KIF14: variants seen among roughly 807,000 people sequenced by gnomAD.
KIF14 encodes the protein kinesin-like protein KIF14.
Under a neutral mutation model 176.2 loss-of-function variants are expected in KIF14, and 98 were observed. That is an observed-to-expected ratio of 0.56 (90% CI 0.47 to 0.66). The LOEUF (loss-of-function observed/expected upper bound fraction) is 0.66, where lower values mean the gene tolerates loss of function less well. Among genes scored for constraint, KIF14 ranks in the 30% least tolerant of loss-of-function variants. The pLI, the probability that KIF14 is intolerant of heterozygous loss-of-function variation, is 0.00. For synonymous variants in KIF14, 566 were observed against 632.2 expected (o/e 0.90, Z 1.57); for missense variants, 1,751 against 1,920.4 (o/e 0.91, Z 1.65).
intron 4 of KIF14, among the ~76,000 whole-genome samples, chr1:200,611,696 G>A (rs529868746): frequency 3.2e-4 from 49 of 152,212 alleles, no homozygotes; most frequent in African/African-American, 1.1e-3. Flanking sequence ...CATCATGCTC[G>A]CTATACCACC....
In KIF14 at chr1:200,552,642, G is replaced by A. The variant is rs985473020; in HGVS notation, c.*746C>T. The stretch of plus-strand genomic sequence containing the variant: ...CTTATAATTTGGAAAGAAACAGGAA[G>A]CTACACCCTTGAACATACTATTCAA... On this transcript the variant is annotated 3_prime_UTR_variant, in exon 30 of 30. Coordinates refer to ENST00000367350, the MANE Select transcript of KIF14 (RefSeq NM_014875.3). 6.6e-6 allele frequency: 1 copy of A among 151,948 alleles called. No homozygotes were observed. Among genetic ancestry groups the A allele is most frequent in the Non-Finnish European group, 1.5e-5 (1 of 67,982 alleles). 9.4% of individuals were successfully genotyped at this position (151,948 alleles called of 1,614,324 possible).
In KIF14 at chr1:200,592,140, C is replaced by G; in HGVS notation, c.2753G>C (p.Ser918Thr). The change falls in exon 16 of 30, where the codon AGT becomes ACT. Residue 918 changes from serine (S) to threonine (T), a missense_variant. Coordinates refer to ENST00000367350, the MANE Select transcript of KIF14 (RefSeq NM_014875.3). ...KRPSGRDTPI[S>T]EGPKDFEFAK... is the part of the protein sequence containing the mutation. ...AAATTCAAAGTCTTTTGGACCCTCACTTATAGGAGTATCTCTTCCAGATGG... is the reference window on the plus strand; with the variant it reads ...AAATTCAAAGTCTTTTGGACCCTCAGTTATAGGAGTATCTCTTCCAGATGG... 3.1e-6 allele frequency: 5 copies of G among 1,613,870 alleles called. No individual in the cohort carries two copies. Among genetic ancestry groups the G allele is most frequent in the Non-Finnish European group, 4.2e-6 (5 of 1,179,894 alleles).
chr1:200,576,657 CACAA>C (rs1450382635), intron 21 of KIF14, among the ~76,000 whole-genome samples: 1 of 152,074 alleles, frequency 6.6e-6, no homozygotes, highest in Non-Finnish European at 1.5e-5. Context: ...TACATATAAA[CACAA>C]ACAAAAAAGT....
At chr1:200,586,922 C>T (rs1168338635) in intron 18 of KIF14, among the ~76,000 whole-genome samples, 1 of 151,592 alleles carries the variant, frequency 6.6e-6, no homozygotes, top group African/African-American at 2.4e-5. Context: ...GAATTGAAAA[C>T]CAAATATCAG....
At chr1:200,617,494 A>G (rs1660458929) in intron 2 of KIF14, 118 bp downstream of exon 2, 1 of 976,000 alleles carries the variant, frequency 1.0e-6, no homozygotes, top group South Asian at 1.9e-5. Context: ...TTTCTATATA[A>G]AAGTATTGCC....
intron 26 of KIF14, 126 bp downstream of exon 26, chr1:200,560,596 A>C: frequency 9.4e-7 from 1 of 1,064,882 alleles, no homozygotes. Flanking sequence ...TCTTATTGCA[A>C]AACTACTAAA....
chr1:200,571,212 G>C (rs1179183427), intron 22 of KIF14, among the ~76,000 whole-genome samples: 1 of 151,924 alleles, frequency 6.6e-6, no homozygotes, highest in East Asian at 1.9e-4. Flanking sequence ...CTACTCGGGA[G>C]GCTGAGGCAG....
At position 200,601,912 on chromosome 1, in the gene KIF14, G is replaced by A. The variant is rs145353826; in HGVS notation, c.2136C>T (p.Asn712=). The change falls in exon 11 of 30, where the codon AAC becomes AAT. Residue 712 remains asparagine, a synonymous_variant. Coordinates refer to ENST00000367350, the MANE Select transcript of KIF14 (RefSeq NM_014875.3). The part of the protein sequence containing the change: ...VNIAKVNEDM[N]AKLIRELKAE... Reference sequence around the variant, plus strand: ...AATATTCACCTCTAATTAACTTAGCGTTCATATCTTCATTTACTTTAGCAA... The same window carrying A: ...AATATTCACCTCTAATTAACTTAGCATTCATATCTTCATTTACTTTAGCAA... 8.5e-4 allele frequency: 1,373 copies of A among 1,608,948 alleles called. 2 individuals are homozygous for A. The highest frequency in any genetic ancestry group is 9.9e-4 in the Non-Finnish European group (1,169 of 1,177,796).
chr1:200,591,899 G>A (rs185561488), intron 16 of KIF14, among the ~76,000 whole-genome samples, 181 bp downstream of exon 16: 4 of 152,232 alleles, frequency 2.6e-5, no homozygotes, highest in African/African-American at 4.8e-5. Flanking sequence ...TTGGTACAGT[G>A]ACAGACACAT....
At chr1:200,583,388 A>C (rs1337024620) in intron 19 of KIF14, among the ~76,000 whole-genome samples, 2 of 152,196 alleles carry the variant, frequency 1.3e-5, no homozygotes, top group Non-Finnish European at 2.9e-5. Context: ...TTAGAGATAC[A>C]CAGTGAAGTG....
intron 16 of KIF14, among the ~76,000 whole-genome samples, chr1:200,590,536 C>T (rs1397409139): frequency 6.6e-6 from 1 of 152,022 alleles, no homozygotes; most frequent in Non-Finnish European, 1.5e-5. Flanking sequence ...AAAATCAGTG[C>T]TTTAGTAACT....
chr1:200,613,565 A>G (rs1558092546), intron 4 of KIF14, among the ~76,000 whole-genome samples: 1 of 152,198 alleles, frequency 6.6e-6, no homozygotes, highest in East Asian at 1.9e-4. Context: ...CCCCTAATCT[A>G]GCACAATTTT....
chr1:200,600,803 G>A (rs1036799804), intron 11 of KIF14, among the ~76,000 whole-genome samples: 4 of 152,254 alleles, frequency 2.6e-5, no homozygotes, highest in African/African-American at 9.6e-5. Context: ...TAAAGTGAAA[G>A]TTTATTTAAA....
At chr1:200,597,296 A>G (rs927763800) in intron 14 of KIF14, among the ~76,000 whole-genome samples, 1 of 152,312 alleles carries the variant, frequency 6.6e-6, no homozygotes, top group African/African-American at 2.4e-5. Flanking sequence ...GAGTAAAAAG[A>G]TGTTACACGT....
At chr1:200,601,487 C>A (rs1371991729) in intron 11 of KIF14, among the ~76,000 whole-genome samples, 2 of 152,146 alleles carry the variant, frequency 1.3e-5, no homozygotes, top group Admixed American at 6.5e-5. Flanking sequence ...TCAGCCTATA[C>A]TAGAAACTCG....
In KIF14 at chr1:200,615,524, T is replaced by G; in HGVS notation, c.1198A>C (p.Asn400His). 1 of 1,613,940 alleles carries G rather than the reference T, an allele frequency of 6.2e-7. No homozygotes were observed. Among genetic ancestry groups the G allele is most frequent in the East Asian group, 2.2e-5 (1 of 44,876 alleles). Residue 400 changes from asparagine (N) to histidine (H), a missense_variant, in exon 3 of 30, where the codon AAT becomes CAT. Physicochemically the swap from Asn to His is moderately conservative, Grantham distance 68 (BLOSUM62 1). Coordinates refer to ENST00000367350, the MANE Select transcript of KIF14 (RefSeq NM_014875.3). Reference protein sequence around the residue: ...VEHPDTKQVYNFIYDVSFWSF... With the variant: ...VEHPDTKQVYHFIYDVSFWSF... ...CAGAATGAAACATCATAAATAAAATTATAAACTTGTTTCGTGTCAGGGTGT... is the reference window on the plus strand; with the variant it reads ...CAGAATGAAACATCATAAATAAAATGATAAACTTGTTTCGTGTCAGGGTGT...
intron 9 of KIF14, among the ~76,000 whole-genome samples, chr1:200,603,577 G>A (rs755562633): frequency 5.3e-5 from 8 of 151,832 alleles, no homozygotes; most frequent in Non-Finnish European, 1.0e-4. Flanking sequence ...CAAGTAGCTG[G>A]GACTACAGAC....
chr1:200,606,595 G>C, intron 6 of KIF14, 151 bp downstream of exon 6: 1 of 694,708 alleles, frequency 1.4e-6, no homozygotes, highest in Non-Finnish European at 2.5e-6. Flanking sequence ...AACCTAATTG[G>C]ACAATATCAA....
In KIF14 at chr1:200,589,232, T is replaced by G; in HGVS notation, c.3099A>C (p.Thr1033=). ...ATAAAATTACCTGTTTTGTAGCCAA[T>G]GTTTCCATTTCTAATCGCTTTTTGT... is the stretch of plus-strand genomic sequence containing the variant. ...YVNKKRLEME[T]LATKQALEDH... The change falls in exon 18 of 30, where the codon ACA becomes ACC. Residue 1033 remains threonine, a synonymous_variant. Transcript: ENST00000367350. 1 of 1,605,394 alleles carries G rather than the reference T, an allele frequency of 6.2e-7. No homozygotes were observed. Among genetic ancestry groups the G allele is most frequent in the Non-Finnish European group, 8.5e-7 (1 of 1,176,190 alleles).
Sources: gnomAD v4.1 joint callset for allele counts (sites outside exome capture counted in the v4.1 genomes callset) on GRCh38, gnomAD v4.1.1 for gene constraint, MANE v1.5 for transcripts, NCBI Gene and HGNC (gene_info 2026-07-23, HGNC 2026-07-21) for gene names.